Variants in GRAMD4 observed in about 807,000 individuals in gnomAD.
GRAMD4 encodes the protein GRAM domain containing 4.
In GRAMD4, 25 loss-of-function variants were observed where a neutral mutation model predicts 83.9. The observed-to-expected ratio is 0.30, with a 90% CI of 0.22 to 0.42. The LOEUF (loss-of-function observed/expected upper bound fraction) is 0.42, where lower values mean the gene tolerates loss of function less well. GRAMD4 is among the 10% of genes least tolerant of loss of function. GRAMD4 has a pLI of 1.00. For missense variants in GRAMD4, 593 were observed against 788.7 expected (o/e 0.75, Z 2.97); for synonymous variants, 336 against 320.9 (o/e 1.05, Z -0.50).
At chr22:46,675,741 G>T (rs55836819) in intron 17 of GRAMD4, among the ~76,000 whole-genome samples, 189 bp downstream of exon 17, 1 of 152,248 alleles carries the variant, frequency 6.6e-6, no homozygotes, top group African/African-American at 2.4e-5. Context: ...CCTGCCCTGG[G>T]GTCCACTTGC....
upstream of GRAMD4, among the ~76,000 whole-genome samples, chr22:46,617,345 C>T (rs1386206930): frequency 2.7e-5 from 4 of 150,404 alleles, no homozygotes; most frequent in East Asian, 4.0e-4. Flanking sequence ...TAGGTTCCCC[C>T]GTGTGTAGGT....
At chr22:46,673,073 C>T (rs1165147406) in intron 14 of GRAMD4, 76 bp downstream of exon 14, 3 of 1,180,518 alleles carry the variant, frequency 2.5e-6, no homozygotes, top group Non-Finnish European at 3.5e-6. Flanking sequence ...CCACAGTGCT[C>T]TGTTCACCTC....
chr22:46,619,339 G>T (rs574385415), upstream of GRAMD4, among the ~76,000 whole-genome samples: 7 of 152,226 alleles, frequency 4.6e-5, no homozygotes, highest in Admixed American at 2.6e-4. Flanking sequence ...TGGGGTGGAT[G>T]TTTTTGTTTT....
In GRAMD4 at chr22:46,621,567, A is replaced by G. The variant is rs59821012; in HGVS notation, c.-50+1002A>G. ...CAGGCTGGAGGCGTAGCCCGGGCCCATCCCTGGCGGTGTGTCGCGGAGGGC... is the reference window on the plus strand; with the variant it reads ...CAGGCTGGAGGCGTAGCCCGGGCCCGTCCCTGGCGGTGTGTCGCGGAGGGC... On this transcript the variant is annotated intron_variant, in intron 1 of 18. Transcript: ENST00000406902. The surrounding 1 kb of genome is among the most constrained non-coding windows in gnomAD (Gnocchi z 5.8). 9.9e-4 allele frequency among the ~76,000 whole-genome samples: 72 copies of G among 73,010 alleles called. 1 individual carries two copies. Among genetic ancestry groups the G allele is most frequent in the Non-Finnish European group, 1.5e-3 (52 of 35,842 alleles). 47.9% of individuals were successfully genotyped at this position (73,010 alleles called of 152,430 possible). A position where few individuals can be genotyped will look rare whatever the true frequency, so the allele number is the denominator to read the frequency against.
At position 46,601,684 on chromosome 22, in the gene GRAMD4, C is replaced by T. The variant is rs149157111; in HGVS notation, c.-50+24394C>T. Among the ~76,000 whole-genome samples, 743 of 152,012 alleles carry T rather than the reference C, an allele frequency of 4.9e-3. 5 individuals are homozygous for T. The highest frequency in any genetic ancestry group is 0.017 in the African/African-American group (712 of 41,450). On this transcript the variant is annotated intron_variant, in intron 1 of 1. Coordinates refer to the GRAMD4 transcript ENST00000431155. ...GTTGGCATGTGCCTGTGATCCCAGCCACTCGGGAGGCTGAGGAGGGAGGAT... is the reference window on the plus strand; with the variant it reads ...GTTGGCATGTGCCTGTGATCCCAGCTACTCGGGAGGCTGAGGAGGGAGGAT...
chr22:46,616,367 T>G (rs2081493597), upstream of GRAMD4, among the ~76,000 whole-genome samples: 1 of 83,876 alleles, frequency 1.2e-5, no homozygotes, highest in Non-Finnish European at 2.4e-5. Flanking sequence ...TGTGTGTACG[T>G]TCCCCTGTGT....
intron 1 of GRAMD4, among the ~76,000 whole-genome samples, chr22:46,594,354 CGGGTGGGGTGGGT>C (rs2081240041): frequency 1.7e-5 from 1 of 60,572 alleles, no homozygotes; most frequent in Admixed American, 1.4e-4. Flanking sequence ...TGGAAGTGGG[CGGGTGGGGTGGGT>C]ATGGTGGGTG....
rs550695182 is a variant in GRAMD4 at position 46,678,834 on chromosome 22, G to T, written c.*1583G>T. ...ACACGCTGGTGCCGGGGGTGCTTTG[G>T]GGGGAGCTGCGCCGATCACCAGATT... On this transcript the variant is annotated 3_prime_UTR_variant, in exon 19 of 19. Transcript: ENST00000406902. 231 of 986,188 alleles carry T rather than the reference G, an allele frequency of 2.3e-4. 1 individual carries two copies. The South Asian group carries it at 3.2e-3, about 14-fold the overall frequency. 61.1% of individuals were successfully genotyped at this position (986,188 alleles called of 1,614,324 possible).
intron 1 of GRAMD4, among the ~76,000 whole-genome samples, chr22:46,603,738 G>C (rs569071261): frequency 6.3e-4 from 95 of 151,052 alleles, no homozygotes; most frequent in South Asian, 2.3e-3. Flanking sequence ...GGATGGTCTC[G>C]ATCTCCTGAC....
At chr22:46,661,308 C>T in intron 4 of GRAMD4, 73 bp from the exon 5 acceptor site, 3 of 1,218,036 alleles carry the variant, frequency 2.5e-6, no homozygotes, top group Non-Finnish European at 3.6e-6. Flanking sequence ...CGCGAGAGCC[C>T]TCGGGGGTGC....
At chr22:46,607,310 G>T (rs2081375421) in intron 1 of GRAMD4, among the ~76,000 whole-genome samples, 1 of 152,172 alleles carries the variant, frequency 6.6e-6, no homozygotes, top group Non-Finnish European at 1.5e-5. Context: ...AAACCTGCAT[G>T]TTGTGCACAT....
At chr22:46,641,466 C>T (rs2081974827) in intron 3 of GRAMD4, among the ~76,000 whole-genome samples, 2 of 152,216 alleles carry the variant, frequency 1.3e-5, no homozygotes, top group African/African-American at 4.8e-5. Context: ...CTTTGCAGCT[C>T]TCTGTGAATG....
chr22:46,624,126 A>G (rs2081618323), intron 1 of GRAMD4, among the ~76,000 whole-genome samples: 1 of 151,842 alleles, frequency 6.6e-6, no homozygotes, highest in African/African-American at 2.4e-5. Flanking sequence ...TTCATGTATC[A>G]TATTTGTTAC....
At chr22:46,654,400 C>T (rs1002421489) in intron 3 of GRAMD4, among the ~76,000 whole-genome samples, 1 of 152,202 alleles carries the variant, frequency 6.6e-6, no homozygotes, top group African/African-American at 2.4e-5. Flanking sequence ...AGGGTGTTGT[C>T]CCCTCTGTTC....
chr22:46,578,752 C>G (rs2081069356), intron 1 of GRAMD4, among the ~76,000 whole-genome samples: 1 of 152,226 alleles, frequency 6.6e-6, no homozygotes, highest in African/African-American at 2.4e-5. Context: ...CCTGCCCCTC[C>G]TTCCTGCTGC....
chr22:46,667,601 G>A (rs913449594), intron 10 of GRAMD4, among the ~76,000 whole-genome samples: 1 of 152,234 alleles, frequency 6.6e-6, no homozygotes, highest in African/African-American at 2.4e-5. Context: ...GGGAGGCCTC[G>A]GTGCCTCCAC....
At position 46,679,429 on chromosome 22, in the gene GRAMD4, C is replaced by T. The variant is rs2082644882; in HGVS notation, c.*2178C>T. 8.1e-6 allele frequency: 8 copies of T among 985,490 alleles called. No individual in the cohort carries two copies. The highest frequency in any genetic ancestry group is 9.6e-6 in the Non-Finnish European group (8 of 829,936). The allele number at this position is 985,490 out of a possible 1,614,324, so 61.0% of individuals were successfully genotyped here. On this transcript the variant is annotated 3_prime_UTR_variant, in exon 19 of 19. Coordinates refer to ENST00000406902, the MANE Select transcript of GRAMD4 (RefSeq NM_015124.5). ...ACTGGCTCTGCTGCCAGCACAGGCC[C>T]CTCCCTGGAAGTCCTCGGGAGCGGA... is the stretch of plus-strand genomic sequence containing the variant.
Position 46,658,254 on chromosome 22 carries a change from G to A in GRAMD4, c.351G>A (p.Glu117=), listed in dbSNP as rs1441738905. The change falls in exon 4 of 19, where the codon GAG becomes GAA. Residue 117 remains glutamate (E), a synonymous_variant. Coordinates refer to ENST00000406902, the MANE Select transcript of GRAMD4 (RefSeq NM_015124.5). The part of the protein sequence containing the change: ...AEMLRQELDR[E]RQRRMELEQK... ...TGCTGCGGCAGGAGCTGGACCGCGA[G>A]CGGCAGCGGCGGATGGAGCTGGAGC... The A allele has an allele frequency of 6.2e-6, 10 of 1,613,466 alleles. No homozygotes were observed. Among genetic ancestry groups the A allele is most frequent in the Admixed American group, 1.7e-5 (1 of 60,022 alleles).
rs1244826706 is a variant in GRAMD4 at position 46,622,912 on chromosome 22, T to TAAAAA, written c.-50+2362_-50+2366dup. Among the ~76,000 whole-genome samples, 1 of 110,290 alleles carries TAAAAA rather than the reference T, an allele frequency of 9.1e-6. No homozygotes were observed. 72.4% of individuals were successfully genotyped at this position (110,290 alleles called of 152,430 possible). A position where few individuals can be genotyped will look rare whatever the true frequency, so the allele number is the denominator to read the frequency against. On this transcript the variant is annotated intron_variant, in intron 1 of 18. Coordinates refer to ENST00000406902, the MANE Select transcript of GRAMD4 (RefSeq NM_015124.5). This position sits in a 1 kb window ranked among gnomAD's most constrained non-coding sequence, Gnocchi z 4.0. ...GGGCGACAGAGCAAGACTCCATCTC[T>TAAAAA]AAAAAAAAAAAAAAAAAAACTGATG...
Sources: allele counts gnomAD v4.1 joint callset (sites outside exome capture counted in the v4.1 genomes callset), GRCh38; gene constraint gnomAD v4.1.1; non-coding constraint Gnocchi (gnomAD v3.1); transcripts MANE v1.5; gene names NCBI Gene and HGNC (gene_info 2026-07-23, HGNC 2026-07-21).